ADAMTS17: variants seen among roughly 807,000 people sequenced by gnomAD.
The protein encoded by ADAMTS17 is ADAM metallopeptidase with thrombospondin type 1 motif 17, also known as A disintegrin and metalloproteinase with thrombospondin motifs 17.
In ADAMTS17, 113 loss-of-function variants were observed where a neutral mutation model predicts 141.5. The ratio of observed to expected loss-of-function variants is 0.80; its 90% CI spans 0.69 to 0.93. The LOEUF is 0.93. Ranked by LOEUF, ADAMTS17 falls within the 40% of genes least tolerant of loss-of-function variation. The pLI is 0.00. For synonymous variants in ADAMTS17, 768 were observed against 630.6 expected, an observed-to-expected ratio of 1.22 and a Z score of -3.27; for missense variants, 1,659 against 1,517.9, an observed-to-expected ratio of 1.09 and a Z score of -1.54.
At chr15:100,138,626 A>G (rs760614463) in intron 10 of ADAMTS17, among the ~76,000 whole-genome samples, 10 of 152,230 alleles carry the variant, frequency 6.6e-5, no homozygotes, top group Non-Finnish European at 1.2e-4. Context: ...AAGATGGGTT[A>G]AGAGATCCGA....
At chr15:100,031,394 G>C (rs1180188141) in intron 18 of ADAMTS17, among the ~76,000 whole-genome samples, 1 of 152,206 alleles carries the variant, frequency 6.6e-6, no homozygotes, top group Non-Finnish European at 1.5e-5. Flanking sequence ...AAATATGTCT[G>C]CAGAAACTGC....
chr15:100,227,356 C>T (rs2042342929), intron 7 of ADAMTS17, among the ~76,000 whole-genome samples: 1 of 128,544 alleles, frequency 7.8e-6, no homozygotes, highest in Non-Finnish European at 1.7e-5. Context: ...CCTCACTACC[C>T]CCTCCAATCC....
intron 7 of ADAMTS17, among the ~76,000 whole-genome samples, chr15:100,233,190 C>T (rs111727644): frequency 0.045 from 6,915 of 152,042 alleles, 350 homozygotes; most frequent in African/African-American, 0.12. Flanking sequence ...ATGAGTCGGG[C>T]GTGGGGACGG....
intron 2 of ADAMTS17, among the ~76,000 whole-genome samples, chr15:100,331,438 T>C (rs562837431): frequency 6.6e-6 from 1 of 152,338 alleles, no homozygotes; most frequent in South Asian, 2.1e-4. Context: ...ATGACATTTG[T>C]ATCCCTAATG....
chr15:100,270,860 TTTC>T (rs1457039576), intron 4 of ADAMTS17, among the ~76,000 whole-genome samples: 2 of 150,888 alleles, frequency 1.3e-5, no homozygotes, highest in Non-Finnish European at 2.9e-5. Flanking sequence ...TCCCCAAAAC[TTTC>T]TTCATCTTGT....
At chr15:100,120,387 G>A (rs2037392975) in intron 12 of ADAMTS17, among the ~76,000 whole-genome samples, 1 of 152,200 alleles carries the variant, frequency 6.6e-6, no homozygotes. Context: ...TGGAGTCAGG[G>A]TGAGCAGTAA....
intron 2 of ADAMTS17, among the ~76,000 whole-genome samples, chr15:100,333,624 G>C (rs536857548): frequency 6.6e-6 from 1 of 152,338 alleles, no homozygotes; most frequent in African/African-American, 2.4e-5. Context: ...GACTTCCTCT[G>C]TGGAGCTCTG....
rs370175786 is a variant in ADAMTS17 at position 100,068,557 on chromosome 15, C to T, written c.2138-14503G>A. ...TGGGTATCCCTCTGAGACAAAACTT[C>T]CAGAGGAACGATCAGGCAGCAACAT... On this transcript the variant is annotated intron_variant, in intron 15 of 21. Coordinates refer to ENST00000268070, the MANE Select transcript of ADAMTS17 (RefSeq NM_139057.4). Among the ~76,000 whole-genome samples, 360 of 152,308 alleles carry T rather than the reference C, an allele frequency of 2.4e-3. 2 individuals are homozygous for T. The highest frequency in any genetic ancestry group is 8.2e-3 in the African/African-American group (341 of 41,556).
At chr15:100,210,993 CGGG>C (rs893331279) in intron 7 of ADAMTS17, among the ~76,000 whole-genome samples, 6 of 151,746 alleles carry the variant, frequency 4.0e-5, no homozygotes, top group African/African-American at 1.5e-4. Context: ...CCCAGCTACT[CGGG>C]GGCTGAGGCA....
chr15:100,238,564 G>C (rs912259931), intron 7 of ADAMTS17, among the ~76,000 whole-genome samples: 1 of 152,210 alleles, frequency 6.6e-6, no homozygotes, highest in South Asian at 2.1e-4. Context: ...AGAAAACACA[G>C]GGTAAAAGCA....
In ADAMTS17 at chr15:100,040,512, A is replaced by T. The variant is rs557869542; in HGVS notation, c.2591+8345T>A. ...ACATCAAGTGCTTGATGGTTTTCAT[A>T]TTTTATTACTCAGAAAAATCAGGAA... is the stretch of plus-strand genomic sequence containing the variant. On this transcript the variant is annotated intron_variant, in intron 18 of 21. Coordinates refer to ENST00000268070, the MANE Select transcript of ADAMTS17 (RefSeq NM_139057.4). Among the ~76,000 whole-genome samples, 13 of 152,260 alleles carry T rather than the reference A, an allele frequency of 8.5e-5. No individual in the cohort carries two copies. The South Asian group carries it at 2.7e-3, about 32-fold the overall frequency.
chr15:100,117,644 C>T (rs941599610), intron 12 of ADAMTS17, among the ~76,000 whole-genome samples: 29 of 152,180 alleles, frequency 1.9e-4, no homozygotes, highest in Middle Eastern at 3.4e-3. Flanking sequence ...TAAGCCATTC[C>T]GGAGTTCCAG....
chr15:100,324,985 T>G (rs1451893994), intron 3 of ADAMTS17, among the ~76,000 whole-genome samples: 3 of 152,238 alleles, frequency 2.0e-5, no homozygotes, highest in Non-Finnish European at 4.4e-5. Context: ...TGTAACTGAA[T>G]AGCTGACCAG....
intron 7 of ADAMTS17, among the ~76,000 whole-genome samples, chr15:100,222,636 G>C (rs1250743799): frequency 6.6e-6 from 1 of 152,194 alleles, no homozygotes; most frequent in Admixed American, 6.5e-5. Flanking sequence ...TGGAGGGCTG[G>C]ACTTCTCCAC....
chr15:100,139,109 A>G (rs940450784), intron 10 of ADAMTS17, among the ~76,000 whole-genome samples: 1 of 152,132 alleles, frequency 6.6e-6, no homozygotes, highest in African/African-American at 2.4e-5. Context: ...GCCAACGAAA[A>G]ATATAAGGGT....
At chr15:100,320,990 G>T (rs1439905643) in intron 3 of ADAMTS17, among the ~76,000 whole-genome samples, 1 of 152,136 alleles carries the variant, frequency 6.6e-6, no homozygotes, top group Non-Finnish European at 1.5e-5. Flanking sequence ...AGCTGACAAA[G>T]ATATCAGTAA....
intron 9 of ADAMTS17, among the ~76,000 whole-genome samples, chr15:100,153,642 TC>T (rs2039295406): frequency 6.6e-6 from 1 of 152,082 alleles, no homozygotes; most frequent in Admixed American, 6.6e-5. Flanking sequence ...AGACTCTGAC[TC>T]ATAAATAACT....
chr15:100,201,213 G>A (rs549451936), intron 7 of ADAMTS17, among the ~76,000 whole-genome samples: 1 of 152,288 alleles, frequency 6.6e-6, no homozygotes, highest in Non-Finnish European at 1.5e-5. Flanking sequence ...CATGTGTCAG[G>A]GAGGGACCGG....
Position 100,019,313 on chromosome 15 carries a change from C to G in ADAMTS17, c.2592-21724G>C, listed in dbSNP as rs556711318. ...AACAGGGGAAAGGAGGAGAACGGGACTAGGGAGGGTCAAAAAGGACTTCCA... is the reference window on the plus strand; with the variant it reads ...AACAGGGGAAAGGAGGAGAACGGGAGTAGGGAGGGTCAAAAAGGACTTCCA... On this transcript the variant is annotated intron_variant, in intron 18 of 21. Transcript: ENST00000268070. Among the ~76,000 whole-genome samples the G allele has an allele frequency of 1.6e-3, 245 of 152,176 alleles. 2 individuals carry two copies. The highest frequency in any genetic ancestry group is 5.4e-3 in the African/African-American group (224 of 41,508).
Sources: gnomAD v4.1 joint callset for allele counts (sites outside exome capture counted in the v4.1 genomes callset) on GRCh38, gnomAD v4.1.1 for gene constraint, MANE v1.5 for transcripts, NCBI Gene and HGNC (gene_info 2026-07-23, HGNC 2026-07-21) for gene names.